RNGTT: variants seen among roughly 807,000 people sequenced by gnomAD.
RNGTT encodes the protein RNA guanylyltransferase and 5'-phosphatase.
A neutral mutation model predicts 79.3 loss-of-function variants in RNGTT; 33 were observed. The observed-to-expected ratio is 0.42, with a 90% confidence interval of 0.32 to 0.56. RNGTT has a LOEUF of 0.56. Among genes scored for constraint, RNGTT ranks in the 20% least tolerant of loss-of-function variants. The pLI, the probability that RNGTT is intolerant of heterozygous loss-of-function variation, is 0.17. For missense variants in RNGTT, 497 were observed against 739.1 expected (o/e 0.67, Z 3.80); for synonymous variants, 222 against 235.9 (o/e 0.94, Z 0.54).
At chr6:88,874,689 C>A (rs1324178418) in intron 8 of RNGTT, among the ~76,000 whole-genome samples, 1 of 151,938 alleles carries the variant, frequency 6.6e-6, no homozygotes, top group East Asian at 1.9e-4. Flanking sequence ...CCAGTTAACA[C>A]CTCATCTAAC....
chr6:88,724,139 A>G (rs1048817767), intron 13 of RNGTT, among the ~76,000 whole-genome samples: 1 of 152,226 alleles, frequency 6.6e-6, no homozygotes, highest in African/African-American at 2.4e-5. Flanking sequence ...TTATTGTTGA[A>G]GAAAACTTTT....
At chr6:88,881,383 A>G (rs1782690468) in intron 8 of RNGTT, among the ~76,000 whole-genome samples, 1 of 152,138 alleles carries the variant, frequency 6.6e-6, no homozygotes, top group Admixed American at 6.5e-5. Flanking sequence ...TTATTTTATC[A>G]AATGCTTGAA....
chr6:88,681,355 A>ATATG (rs1775086250), intron 13 of RNGTT, among the ~76,000 whole-genome samples: 1 of 152,116 alleles, frequency 6.6e-6, no homozygotes, highest in African/African-American at 2.4e-5. Context: ...TGGCACATAT[A>ATATG]TATGTATGTA....
Position 88,752,335 on chromosome 6 carries a change from A to C in RNGTT, c.1439+17439T>G, listed in dbSNP as rs77152436. ...CTCACTGGTTTTAATTAAGAAATGT[A>C]CAGTGGCTAAAAAGCTCAAATCTTT... On this transcript the variant is annotated intron_variant, in intron 13 of 15. Coordinates refer to ENST00000369485, the MANE Select transcript of RNGTT (RefSeq NM_003800.5). Among the ~76,000 whole-genome samples, 548 of 152,238 alleles carry C rather than the reference A, an allele frequency of 3.6e-3. 3 individuals are homozygous for C. The highest frequency in any genetic ancestry group is 7.3e-3 in the Admixed American group (111 of 15,294).
At chr6:88,901,927 AG>A (rs766190853) in intron 6 of RNGTT, among the ~76,000 whole-genome samples, 54 of 152,252 alleles carry the variant, frequency 3.5e-4, no homozygotes, top group Non-Finnish European at 6.3e-4. Context: ...GAAGCTCTTC[AG>A]TTAGAAGGAA....
intron 8 of RNGTT, among the ~76,000 whole-genome samples, chr6:88,885,126 A>G (rs910490330): frequency 1.3e-5 from 2 of 152,172 alleles, no homozygotes; most frequent in Non-Finnish European, 2.9e-5. Flanking sequence ...ACTCACACAC[A>G]CACACACACA....
chr6:88,710,213 A>C (rs1471800613), intron 13 of RNGTT, among the ~76,000 whole-genome samples: 129 of 152,326 alleles, frequency 8.5e-4, no homozygotes, highest in Non-Finnish European at 8.8e-5. Context: ...TCAAACAAAC[A>C]AACAAAAAAT....
intron 14 of RNGTT, among the ~76,000 whole-genome samples, chr6:88,658,765 C>G (rs1391539360): frequency 6.6e-6 from 1 of 152,210 alleles, no homozygotes; most frequent in Non-Finnish European, 1.5e-5. Flanking sequence ...ACTAGACAGG[C>G]TAAGTCTTCT....
intron 1 of RNGTT, among the ~76,000 whole-genome samples, chr6:88,943,225 G>T (rs533753761): frequency 2.0e-5 from 3 of 152,252 alleles, no homozygotes; most frequent in Non-Finnish European, 4.4e-5. Flanking sequence ...TCTCAGATTT[G>T]ATATCCAAAT....
At chr6:88,921,913 G>T (rs1784175937) in intron 4 of RNGTT, among the ~76,000 whole-genome samples, 1 of 152,028 alleles carries the variant, frequency 6.6e-6, no homozygotes, top group Admixed American at 6.6e-5. Flanking sequence ...AAAACGGCAG[G>T]ATGTTCATAG....
At chr6:88,647,833 C>T (rs2610747) in intron 14 of RNGTT, among the ~76,000 whole-genome samples, 39,564 of 151,288 alleles carry the variant, frequency 0.26, 9,299 homozygotes, top group African/African-American at 0.62. Flanking sequence ...TGAATCAAAT[C>T]CTCTTATGAA....
At chr6:88,718,264 G>A (rs1233856975) in intron 13 of RNGTT, among the ~76,000 whole-genome samples, 1 of 151,956 alleles carries the variant, frequency 6.6e-6, no homozygotes, top group Non-Finnish European at 1.5e-5. Flanking sequence ...GCACATGCCT[G>A]TAATCCTAGC....
intron 11 of RNGTT, among the ~76,000 whole-genome samples, chr6:88,811,428 C>T (rs1040676): frequency 0.13 from 19,363 of 152,186 alleles, 1,416 homozygotes; most frequent in Middle Eastern, 0.23. Flanking sequence ...ATTGGAGGAA[C>T]TGACAAAGGT....
At chr6:88,697,862 C>A (rs1239905224) in intron 13 of RNGTT, among the ~76,000 whole-genome samples, 1 of 139,522 alleles carries the variant, frequency 7.2e-6, no homozygotes. Context: ...CAGAGTGAGA[C>A]CCTGTCTTGG....
intron 11 of RNGTT, among the ~76,000 whole-genome samples, chr6:88,804,181 C>A (rs1032552844): frequency 6.6e-6 from 1 of 152,162 alleles, no homozygotes; most frequent in Non-Finnish European, 1.5e-5. Context: ...CAGACATAAG[C>A]AACTAGCTTT....
chr6:88,800,299 A>G (rs562716676), intron 12 of RNGTT, among the ~76,000 whole-genome samples: 1 of 152,308 alleles, frequency 6.6e-6, no homozygotes, highest in Non-Finnish European at 1.5e-5. Flanking sequence ...TAATACAAAA[A>G]TCCAAAATGC....
intron 13 of RNGTT, among the ~76,000 whole-genome samples, chr6:88,712,037 C>T (rs1298946582): frequency 6.6e-6 from 1 of 152,030 alleles, no homozygotes. Flanking sequence ...GAGAAGCAAG[C>T]TGGAATAAAA....
At chr6:88,762,889 G>A (rs1391117113) in intron 13 of RNGTT, among the ~76,000 whole-genome samples, 2 of 151,960 alleles carry the variant, frequency 1.3e-5, no homozygotes, top group African/African-American at 4.8e-5. Flanking sequence ...CTTTGCTTAA[G>A]AGGATCCACT....
intron 14 of RNGTT, among the ~76,000 whole-genome samples, chr6:88,660,929 C>T (rs1774159446): frequency 6.6e-6 from 1 of 152,150 alleles, no homozygotes; most frequent in Non-Finnish European, 1.5e-5. Context: ...CAAAACAAGT[C>T]TCAATAAATT....
Sources: gnomAD v4.1 joint callset for allele counts (sites outside exome capture counted in the v4.1 genomes callset) on GRCh38, gnomAD v4.1.1 for gene constraint, MANE v1.5 for transcripts, NCBI Gene and HGNC (gene_info 2026-07-23, HGNC 2026-07-21) for gene names.